ELP4: variants seen among roughly 807,000 people sequenced by gnomAD.
The protein encoded by ELP4 is elongator acetyltransferase complex subunit 4.
ELP4 carries 51 observed loss-of-function variants against 48.9 expected under a neutral mutation model. The observed-to-expected ratio is 1.04, with a 90% CI of 0.83 to 1.32. The LOEUF is 1.32. ELP4 is among the 40% of genes most tolerant of loss of function. The pLI is 0.00. For synonymous variants in ELP4, 210 were observed against 189.2 expected, an observed-to-expected ratio of 1.11 and a Z score of -0.90; for missense variants, 519 against 514.6, an observed-to-expected ratio of 1.01 and a Z score of -0.08.
chr11:31,735,936 A>G (rs1947305189), intron 9 of ELP4, among the ~76,000 whole-genome samples: 1 of 152,172 alleles, frequency 6.6e-6, no homozygotes, highest in South Asian at 2.1e-4. Flanking sequence ...ATCCCCATCA[A>G]GCTACCAATG....
At chr11:31,681,758 T>C (rs75177806) in intron 9 of ELP4, 1 of 156,494 alleles carries the variant, frequency 6.4e-6, no homozygotes, top group African/African-American at 2.4e-5. Flanking sequence ...TTTTTTTTTT[T>C]AAATTGGAGC....
chr11:31,745,622 C>G (rs962310145), intron 9 of ELP4, among the ~76,000 whole-genome samples: 14 of 152,102 alleles, frequency 9.2e-5, no homozygotes, highest in African/African-American at 2.2e-4. Context: ...ACAAATCTGA[C>G]AAAAACAAGC....
Position 31,789,972 on chromosome 11 carries a change from C to A in ELP4, c.*6448C>A. The A allele has an allele frequency of 6.4e-7, 1 of 1,554,582 alleles. No individual in the cohort carries two copies. Among genetic ancestry groups the A allele is most frequent in the South Asian group, 1.1e-5 (1 of 89,124 alleles). On this transcript the variant is annotated 3_prime_UTR_variant, in exon 10 of 10. Coordinates refer to ENST00000640961, the MANE Select transcript of ELP4 (RefSeq NM_019040.5). ...GGCCAGTATTGAGACATATCAGGTTCACTTCCGGGAACTTGAACTGGAACT... is the reference window on the plus strand; with the variant it reads ...GGCCAGTATTGAGACATATCAGGTTAACTTCCGGGAACTTGAACTGGAACT...
intron 1 of ELP4, chr11:31,512,306 G>A (rs938330170): frequency 2.0e-5 from 3 of 151,890 alleles, no homozygotes; most frequent in Non-Finnish European, 4.4e-5. Flanking sequence ...CGTGTAGTAC[G>A]GTGACATTTT....
chr11:31,741,866 C>T (rs1486846931), intron 9 of ELP4, among the ~76,000 whole-genome samples: 2 of 152,196 alleles, frequency 1.3e-5, no homozygotes, highest in Non-Finnish European at 2.9e-5. Flanking sequence ...AACGCAGCTC[C>T]TCACCAGCAA....
intron 9 of ELP4, among the ~76,000 whole-genome samples, chr11:31,773,643 C>CA (rs1202638109): frequency 1.3e-5 from 2 of 152,198 alleles, no homozygotes; most frequent in Admixed American, 6.5e-5. Flanking sequence ...AGTGGAATCT[C>CA]AACACACAAA....
In ELP4 at chr11:31,786,560, A is replaced by G. The variant is rs990486742; in HGVS notation, c.*3036A>G. The G allele has an allele frequency of 1.3e-5, 3 of 225,424 alleles. No individual in the cohort carries two copies. The highest frequency in any genetic ancestry group is 4.5e-5 in the African/African-American group (2 of 44,936). 14.0% of individuals were successfully genotyped at this position (225,424 alleles called of 1,614,324 possible). A position where few individuals can be genotyped will look rare whatever the true frequency, so the allele number is the denominator to read the frequency against. ...AAAGGCTTTTTAAAATCTTACTAGT[A>G]TGAGAGGCCCAGAGTAAAAAGAAAT... On this transcript the variant is annotated 3_prime_UTR_variant, in exon 10 of 10. Coordinates refer to ENST00000640961, the MANE Select transcript of ELP4 (RefSeq NM_019040.5).
At chr11:31,593,225 TAC>T (rs1444971434) in intron 3 of ELP4, among the ~76,000 whole-genome samples, 6 of 117,272 alleles carry the variant, frequency 5.1e-5, no homozygotes, top group Middle Eastern at 4.2e-3. Context: ...AAGTGAATAA[TAC>T]TGTTGTTGTT....
At chr11:31,590,050 T>C (rs549962088) in intron 3 of ELP4, among the ~76,000 whole-genome samples, 6 of 152,194 alleles carry the variant, frequency 3.9e-5, no homozygotes, top group Non-Finnish European at 8.8e-5. Context: ...ACTAGCTCTG[T>C]GGCCTTGGAC....
At chr11:31,633,123 T>A (rs1265799614) in intron 7 of ELP4, 1 of 152,086 alleles carries the variant, frequency 6.6e-6, no homozygotes, top group East Asian at 1.9e-4. Flanking sequence ...TTCCTAGATA[T>A]TCAGTAAATG....
At chr11:31,722,997 A>C (rs148930656) in intron 9 of ELP4, among the ~76,000 whole-genome samples, 81 of 152,254 alleles carry the variant, frequency 5.3e-4, no homozygotes, top group Middle Eastern at 3.4e-3. Context: ...TGGCTTTTGC[A>C]GCCTCCATGC....
At chr11:31,604,100 C>G (rs773818418) in intron 5 of ELP4, among the ~76,000 whole-genome samples, 193 bp downstream of exon 5, 3 of 151,524 alleles carry the variant, frequency 2.0e-5, no homozygotes, top group Non-Finnish European at 3.0e-5. Flanking sequence ...TCTTTTTTCT[C>G]TGGTCCTGTA....
At chr11:31,529,825 A>T (rs559597301) in intron 2 of ELP4, among the ~76,000 whole-genome samples, 1 of 152,146 alleles carries the variant, frequency 6.6e-6, no homozygotes, top group East Asian at 1.9e-4. Context: ...TACCTCTTTG[A>T]GGGGTTCTTC....
At chr11:31,557,916 A>G (rs866044835) in intron 3 of ELP4, among the ~76,000 whole-genome samples, 4 of 152,184 alleles carry the variant, frequency 2.6e-5, no homozygotes, top group South Asian at 4.1e-4. Context: ...GGTATTTATT[A>G]TATTTCCTTA....
At chr11:31,717,970 T>G (rs1188069481) in intron 9 of ELP4, among the ~76,000 whole-genome samples, 1 of 152,104 alleles carries the variant, frequency 6.6e-6, no homozygotes, top group South Asian at 2.1e-4. Context: ...CACCCCACCC[T>G]TTCTTTAATG....
Position 31,786,827 on chromosome 11 carries a change from G to A in ELP4, c.*3303G>A, listed in dbSNP as rs994285025. 5.1e-5 allele frequency: 11 copies of A among 216,470 alleles called. No homozygotes were observed. In the South Asian group the frequency reaches 5.6e-4, roughly 11 times the overall value. The allele number at this position is 216,470 out of a possible 1,614,324, so 13.4% of individuals were successfully genotyped here. On this transcript the variant is annotated 3_prime_UTR_variant, in exon 10 of 10. Transcript: ENST00000640961. ...TTTTTTTACTTAGAGCAGTTTGAAC[G>A]TTTATTACTTAAAACATTCAGCTCT...
intron 9 of ELP4, among the ~76,000 whole-genome samples, chr11:31,740,839 A>G (rs553468237): frequency 2.0e-5 from 3 of 152,212 alleles, no homozygotes; most frequent in Non-Finnish European, 4.4e-5. Context: ...TGATTTCTGC[A>G]TTTCCAACTG....
At chr11:31,734,593 A>C (rs1014957251) in intron 9 of ELP4, among the ~76,000 whole-genome samples, 1 of 152,242 alleles carries the variant, frequency 6.6e-6, no homozygotes, top group African/African-American at 2.4e-5. Context: ...AAAATTAAGA[A>C]AGAAAACAAT....
rs569250406 is a variant in ELP4 at position 31,647,018 on chromosome 11, G to A, written c.928-723G>A. ...ACCTATTGTTTTGATCTGGCAAAAT[G>A]TGACATTTATTAAAATGTATTTAGC... On this transcript the variant is annotated intron_variant, in intron 7 of 9. Coordinates refer to ENST00000640961, the MANE Select transcript of ELP4 (RefSeq NM_019040.5). 5.3e-5 allele frequency: 8 copies of A among 151,886 alleles called. No homozygotes were observed. In the South Asian group the frequency reaches 1.7e-3, roughly 31 times the overall value. The allele number at this position is 151,886 out of a possible 1,614,324, so 9.4% of individuals were successfully genotyped here.
Sources: gnomAD v4.1 joint callset for allele counts (sites outside exome capture counted in the v4.1 genomes callset) on GRCh38, gnomAD v4.1.1 for gene constraint, MANE v1.5 for transcripts, NCBI Gene and HGNC (gene_info 2026-07-23, HGNC 2026-07-21) for gene names.